ERCC6L2: variants seen among roughly 807,000 people sequenced by gnomAD.
ERCC6L2 encodes the protein DNA excision repair protein ERCC-6-like 2.
In ERCC6L2, 77 loss-of-function variants were observed where a neutral mutation model predicts 132.0. The observed-to-expected ratio is 0.58, with a 90% CI of 0.49 to 0.71. The LOEUF (loss-of-function observed/expected upper bound fraction) is 0.71, where lower values mean the gene tolerates loss of function less well. Among genes scored for constraint, ERCC6L2 ranks in the 30% least tolerant of loss-of-function variants. ERCC6L2 has a pLI of 0.00. For synonymous variants in ERCC6L2, 583 were observed against 632.4 expected (o/e 0.92, Z 1.17); for missense variants, 1,542 against 1,837.6 (o/e 0.84, Z 2.94).
intron 19 of ERCC6L2, among the ~76,000 whole-genome samples, chr9:96,038,153 A>G (rs185547189): frequency 8.4e-4 from 128 of 152,152 alleles, no homozygotes; most frequent in Middle Eastern, 3.4e-3. Flanking sequence ...TGTTGGGCCA[A>G]TGATGGATTA....
At chr9:95,986,767 G>C (rs1048651812) in intron 17 of ERCC6L2, among the ~76,000 whole-genome samples, 1 of 152,056 alleles carries the variant, frequency 6.6e-6, no homozygotes, top group African/African-American at 2.4e-5. Flanking sequence ...AAAGTGCTGG[G>C]ATTACAGGCA....
chr9:95,948,307 G>T (rs899813272), intron 12 of ERCC6L2, among the ~76,000 whole-genome samples: 1 of 152,192 alleles, frequency 6.6e-6, no homozygotes, highest in African/African-American at 2.4e-5. Context: ...TAGAGAACTA[G>T]AATTAGAAAC....
At chr9:95,963,337 A>G (rs974109304) in intron 13 of ERCC6L2, among the ~76,000 whole-genome samples, 3 of 152,030 alleles carry the variant, frequency 2.0e-5, no homozygotes, top group Non-Finnish European at 4.4e-5. Flanking sequence ...TTTCTGAGCC[A>G]TTTGAGAGAG....
rs1832478719 is a variant in ERCC6L2, at chr9:95,972,746, A to G, written c.2995A>G (p.Ser999Gly). 1 of 1,303,246 alleles carries G rather than the reference A, an allele frequency of 7.7e-7. No homozygotes were observed. Among genetic ancestry groups the G allele is most frequent in the African/African-American group, 1.5e-5 (1 of 65,796 alleles). 80.7% of individuals were successfully genotyped at this position (1,303,246 alleles called of 1,614,324 possible). A position where few individuals can be genotyped will look rare whatever the true frequency, so the allele number is the denominator to read the frequency against. The change falls in exon 16 of 19, where the codon AGT becomes GGT. Residue 999 changes from serine (S) to glycine (G), a missense_variant. Physicochemically the swap from Ser to Gly is moderately conservative, Grantham distance 56. Around this residue, in one of 4 missense-constraint regions of ERCC6L2, gnomAD observed 945 missense variants for 1,105.2 expected, o/e 0.86. Coordinates refer to ENST00000653738, the MANE Select transcript of ERCC6L2 (RefSeq NM_020207.7). Reference sequence around the variant, plus strand: ...CAAGTCAAGAGTAAGAAAGAGAGCTAGTTCATTGAGGTTTAAGAGAATAAA... The same window carrying G: ...CAAGTCAAGAGTAAGAAAGAGAGCTGGTTCATTGAGGTTTAAGAGAATAAA... ...SSKSRVRKRA[S>G]SLRFKRIKET...
At chr9:95,892,039 T>A (rs1051614888) in intron 2 of ERCC6L2, among the ~76,000 whole-genome samples, 2 of 152,192 alleles carry the variant, frequency 1.3e-5, no homozygotes, top group African/African-American at 4.8e-5. Flanking sequence ...AAAGTTAAGT[T>A]TTATGAAGTC....
intron 2 of ERCC6L2, among the ~76,000 whole-genome samples, chr9:95,882,323 G>T (rs566872807): frequency 1.3e-5 from 2 of 152,322 alleles, no homozygotes; most frequent in South Asian, 4.1e-4. Flanking sequence ...GATTAAACAG[G>T]ACTGGGAATA....
intron 13 of ERCC6L2, among the ~76,000 whole-genome samples, chr9:95,965,629 C>T (rs527560609): frequency 8.0e-4 from 121 of 152,164 alleles, no homozygotes; most frequent in Middle Eastern, 6.8e-3. Context: ...CCTCAGCCTC[C>T]CGAGTAGCTG....
chr9:96,000,359 T>TG (rs1833622423), intron 17 of ERCC6L2, among the ~76,000 whole-genome samples: 1 of 152,162 alleles, frequency 6.6e-6, no homozygotes, highest in South Asian at 2.1e-4. Context: ...AACATACTCT[T>TG]GCTTTTGTCA....
intron 6 of ERCC6L2, among the ~76,000 whole-genome samples, chr9:95,917,762 T>C (rs778481475): frequency 4.6e-5 from 7 of 152,222 alleles, no homozygotes; most frequent in Non-Finnish European, 1.0e-4. Flanking sequence ...CTTAGAGTTT[T>C]GTGACTTGGA....
rs768146368 is a variant in ERCC6L2, at chr9:96,017,749, G to A, written c.*4546G>A. The stretch of plus-strand genomic sequence containing the variant: ...CTGAGCTCATGATGGAGCCCACTGT[G>A]TGCTTTTTGTTGTTGTTACATTCCT... On this transcript the variant is annotated 3_prime_UTR_variant, in exon 19 of 19. Coordinates refer to ENST00000653738, the MANE Select transcript of ERCC6L2 (RefSeq NM_020207.7). Among the ~76,000 whole-genome samples the A allele has an allele frequency of 5.3e-5, 8 of 152,152 alleles. No homozygotes were observed. The highest frequency in any genetic ancestry group is 4.4e-5 in the Non-Finnish European group (3 of 68,042).
At chr9:95,943,694 G>A (rs1336006344) in intron 12 of ERCC6L2, among the ~76,000 whole-genome samples, 1 of 151,988 alleles carries the variant, frequency 6.6e-6, no homozygotes, top group African/African-American at 2.4e-5. Flanking sequence ...CAATGCATAG[G>A]ACATTTCTCC....
At chr9:96,037,734 A>G (rs1834535866) in intron 19 of ERCC6L2, among the ~76,000 whole-genome samples, 3 of 152,172 alleles carry the variant, frequency 2.0e-5, no homozygotes, top group Admixed American at 1.3e-4. Context: ...AGGATGAAGG[A>G]TGAGTTTGGT....
intron 19 of ERCC6L2, among the ~76,000 whole-genome samples, chr9:96,035,165 T>C (rs1317714026): frequency 6.6e-6 from 1 of 152,018 alleles, no homozygotes; most frequent in Non-Finnish European, 1.5e-5. Context: ...GATCTCCAAG[T>C]GGGATTGGTG....
At chr9:95,921,505 A>G (rs1829867747) in intron 7 of ERCC6L2, among the ~76,000 whole-genome samples, 190 bp downstream of exon 7, 1 of 152,216 alleles carries the variant, frequency 6.6e-6, no homozygotes, top group African/African-American at 2.4e-5. Context: ...CAATATTCAA[A>G]TATATTTTCA....
intron 19 of ERCC6L2, among the ~76,000 whole-genome samples, chr9:96,026,845 CCACACCACACAAA>C (rs1303398697): frequency 2.9e-5 from 4 of 139,940 alleles, no homozygotes; most frequent in Non-Finnish European, 6.1e-5. Flanking sequence ...CAAACACGCC[CCACACCACACAAA>C]CACACCACAC....
intron 1 of ERCC6L2, among the ~76,000 whole-genome samples, chr9:95,879,517 G>A (rs1827477380): frequency 6.6e-6 from 1 of 152,156 alleles, no homozygotes; most frequent in East Asian, 1.9e-4. Context: ...TGAAAATTGG[G>A]CCCATTGACC....
downstream of ERCC6L2, chr9:96,020,523 T>C (rs1228206891): frequency 9.0e-6 from 3 of 332,858 alleles, no homozygotes; most frequent in Non-Finnish European, 1.8e-5. Context: ...CCTCCTAAAA[T>C]GCCCTCAAAG....
intron 18 of ERCC6L2, chr9:96,004,935 G>C (rs551657678): frequency 3.1e-6 from 1 of 326,188 alleles, no homozygotes; most frequent in Non-Finnish European, 6.0e-6. Context: ...AAATACTTAA[G>C]TGCATTTTAT....
intron 11 of ERCC6L2, among the ~76,000 whole-genome samples, chr9:95,931,599 A>T (rs1017804336): frequency 2.6e-5 from 4 of 152,214 alleles, no homozygotes; most frequent in Non-Finnish European, 5.9e-5. Context: ...GTCCAACTAT[A>T]TAATTCTAAA....
Sources: allele counts gnomAD v4.1 joint callset (sites outside exome capture counted in the v4.1 genomes callset), GRCh38; gene constraint gnomAD v4.1.1; regional missense constraint gnomAD v4.1.1; transcripts MANE v1.5; gene names NCBI Gene and HGNC (gene_info 2026-07-23, HGNC 2026-07-21).